The following ADGRV1 variants were observed in gnomAD, a reference collection of about 807,000 sequenced individuals.
ADGRV1 encodes adhesion G protein-coupled receptor V1.
Under a neutral mutation model 596.2 loss-of-function variants are expected in ADGRV1, and 359 were observed. That is an observed-to-expected ratio of 0.60 (90% CI 0.55 to 0.66). The LOEUF is 0.66. Ranked by LOEUF, ADGRV1 falls within the 30% of genes least tolerant of loss-of-function variation. ADGRV1 has a pLI of 0.00. For synonymous variants in ADGRV1, 2,681 were observed against 2,679.2 expected (o/e 1.00, Z -0.02); for missense variants, 7,274 against 7,575.6 (o/e 0.96, Z 1.48).
chr5:90,892,639 T>G (rs943606954), intron 83 of ADGRV1, among the ~76,000 whole-genome samples: 1 of 152,184 alleles, frequency 6.6e-6, no homozygotes, highest in Non-Finnish European at 1.5e-5. Flanking sequence ...AAGTTTTCTC[T>G]TACCCCTTTT....
At chr5:91,053,860 A>G (rs1786573251) in intron 85 of ADGRV1, among the ~76,000 whole-genome samples, 2 of 152,200 alleles carry the variant, frequency 1.3e-5, no homozygotes, top group Non-Finnish European at 2.9e-5. Context: ...CTTATTCATC[A>G]CTGTATGTCC....
intron 83 of ADGRV1, among the ~76,000 whole-genome samples, chr5:90,893,559 A>G (rs1216114377): frequency 6.6e-6 from 1 of 152,200 alleles, no homozygotes; most frequent in Non-Finnish European, 1.5e-5. Context: ...CTCTTGTGTA[A>G]TCAGCCCATA....
Position 90,675,343 on chromosome 5 carries a change from A to G in ADGRV1, c.5211A>G (p.Gly1737=), listed in dbSNP as rs769321817. ...VPHITVEEED[G]EIRLLVIRAQ... is the part of the protein sequence containing the mutation. ...ATATCACTGTGGAGGAGGAAGATGG[A>G]GAAATCAGGTTATTGGTCATCCGTG... Residue 1737 remains glycine (G), a synonymous_variant, in exon 24 of 90, where the codon GGA becomes GGG. Transcript: ENST00000405460. 1 of 1,613,910 alleles carries G rather than the reference A, an allele frequency of 6.2e-7. No homozygotes were observed. Among genetic ancestry groups the G allele is most frequent in the Non-Finnish European group, 8.5e-7 (1 of 1,179,850 alleles).
chr5:91,074,128 C>T (rs1788636193), intron 86 of ADGRV1, among the ~76,000 whole-genome samples: 1 of 152,122 alleles, frequency 6.6e-6, no homozygotes, highest in Non-Finnish European at 1.5e-5. Flanking sequence ...AGTTTTAATA[C>T]TCTTTATTTT....
intron 21 of ADGRV1, among the ~76,000 whole-genome samples, chr5:90,663,764 T>C (rs927512890): frequency 3.3e-5 from 5 of 152,118 alleles, no homozygotes; most frequent in Non-Finnish European, 7.4e-5. Context: ...TTTAAGTCTT[T>C]AATCCATCTT....
intron 85 of ADGRV1, among the ~76,000 whole-genome samples, chr5:91,029,426 A>G (rs1020302244): frequency 6.6e-6 from 1 of 152,198 alleles, no homozygotes; most frequent in Non-Finnish European, 1.5e-5. Context: ...ATTGTTATAA[A>G]CAGTAGTTCA....
rs866886385 is a variant in ADGRV1, at chr5:90,646,185, C to A, written c.3022+94C>A. On this transcript the variant is annotated intron_variant, in intron 16 of 89. Coordinates refer to ENST00000405460, the MANE Select transcript of ADGRV1 (RefSeq NM_032119.4). ...ACGTGCATATATACATTTATATGCA[C>A]GTGCGTATATACATTTATATACATA... is the stretch of plus-strand genomic sequence containing the variant. 1.8e-4 allele frequency: 134 copies of A among 747,992 alleles called. No homozygotes were observed. The Middle Eastern group carries it at 2.0e-3, about 11-fold the overall frequency. 46.3% of individuals were successfully genotyped at this position (747,992 alleles called of 1,614,324 possible). A position where few individuals can be genotyped will look rare whatever the true frequency, so the allele number is the denominator to read the frequency against.
At chr5:90,960,144 A>AC (rs1554177076) in intron 83 of ADGRV1, among the ~76,000 whole-genome samples, 1 of 145,532 alleles carries the variant, frequency 6.9e-6, no homozygotes, top group Non-Finnish European at 1.5e-5. Flanking sequence ...TCTCAAAAAA[A>AC]AAAAAAAAAC....
intron 87 of ADGRV1, among the ~76,000 whole-genome samples, chr5:91,107,403 A>C (rs1316385320): frequency 6.6e-6 from 1 of 151,568 alleles, no homozygotes; most frequent in Admixed American, 6.6e-5. Flanking sequence ...CTGAGGGAGG[A>C]GTAGGAATGT....
At chr5:90,852,015 T>C (rs1008410551) in intron 79 of ADGRV1, among the ~76,000 whole-genome samples, 3 of 152,176 alleles carry the variant, frequency 2.0e-5, no homozygotes, top group African/African-American at 4.8e-5. Flanking sequence ...AGAGTCACCA[T>C]TGAAGATGTG....
intron 85 of ADGRV1, among the ~76,000 whole-genome samples, chr5:91,046,596 C>T (rs1446841353): frequency 6.6e-6 from 1 of 152,158 alleles, no homozygotes; most frequent in African/African-American, 2.4e-5. Flanking sequence ...CCCTTCTACG[C>T]ATTGGCTCAG....
rs549289540 is a variant in ADGRV1 at position 90,713,465 on chromosome 5, T to C, written c.9184+1037T>C. On this transcript the variant is annotated intron_variant, in intron 42 of 89. Coordinates refer to ENST00000405460, the MANE Select transcript of ADGRV1 (RefSeq NM_032119.4). ...CGTTGTATGAATGAATACCATGTGTTGGTTGAGAATAGTCTATGTACAAAT... is the reference window on the plus strand; with the variant it reads ...CGTTGTATGAATGAATACCATGTGTCGGTTGAGAATAGTCTATGTACAAAT... 3.3e-5 allele frequency among the ~76,000 whole-genome samples: 5 copies of C among 152,174 alleles called. No homozygotes were observed. The East Asian group carries it at 9.7e-4, about 29-fold the overall frequency.
intron 83 of ADGRV1, among the ~76,000 whole-genome samples, chr5:90,944,782 T>G (rs1290201589): frequency 6.6e-6 from 1 of 152,204 alleles, no homozygotes; most frequent in African/African-American, 2.4e-5. Flanking sequence ...TCATCAATTT[T>G]GACACTTTTC....
At chr5:90,560,166 C>T (rs1428044408) in intron 1 of ADGRV1, among the ~76,000 whole-genome samples, 4 of 152,094 alleles carry the variant, frequency 2.6e-5, no homozygotes, top group Non-Finnish European at 5.9e-5. Context: ...GCATTAGTTT[C>T]TTCATTTATA....
At chr5:91,046,576 G>A (rs1581890849) in intron 85 of ADGRV1, among the ~76,000 whole-genome samples, 1 of 152,068 alleles carries the variant, frequency 6.6e-6, no homozygotes, top group Non-Finnish European at 1.5e-5. Flanking sequence ...GATAACTAAC[G>A]TTGGAAAACC....
intron 83 of ADGRV1, among the ~76,000 whole-genome samples, chr5:90,936,106 C>A (rs1201571198): frequency 6.6e-6 from 1 of 152,176 alleles, no homozygotes; most frequent in Non-Finnish European, 1.5e-5. Flanking sequence ...GTACCCTAGA[C>A]TTTATGAATC....
At chr5:90,905,602 ATTTG>A (rs796916393) in intron 83 of ADGRV1, among the ~76,000 whole-genome samples, 1 of 152,192 alleles carries the variant, frequency 6.6e-6, no homozygotes, top group African/African-American at 2.4e-5. Flanking sequence ...ACTTCACTGA[ATTTG>A]TTTATCAGTT....
intron 75 of ADGRV1, among the ~76,000 whole-genome samples, chr5:90,816,337 A>G (rs1762886857): frequency 6.6e-6 from 1 of 151,444 alleles, no homozygotes; most frequent in Non-Finnish European, 1.5e-5. Context: ...TTTTTTGGAC[A>G]TAATAGAAAA....
intron 85 of ADGRV1, among the ~76,000 whole-genome samples, chr5:91,059,038 G>T (rs915711563): frequency 6.6e-6 from 1 of 152,030 alleles, no homozygotes; most frequent in Non-Finnish European, 1.5e-5. Context: ...CTACTATTTG[G>T]TATCTTCTCT....
Sources: gnomAD v4.1 joint callset for allele counts (sites outside exome capture counted in the v4.1 genomes callset) on GRCh38, gnomAD v4.1.1 for gene constraint, MANE v1.5 for transcripts, NCBI Gene and HGNC (gene_info 2026-07-23, HGNC 2026-07-21) for gene names.